KDM4C: variants seen among roughly 807,000 people sequenced by gnomAD.
KDM4C encodes the protein lysine-specific demethylase 4C.
A neutral mutation model predicts 129.3 loss-of-function variants in KDM4C; 81 were observed. The ratio of observed to expected loss-of-function variants is 0.63; its 90% CI spans 0.52 to 0.75. The LOEUF is 0.75. Ranked by LOEUF, KDM4C falls within the 30% of genes least tolerant of loss-of-function variation. The pLI, the probability that KDM4C is intolerant of heterozygous loss-of-function variation, is 0.00. For missense variants in KDM4C, 1,457 were observed against 1,304.0 expected, an observed-to-expected ratio of 1.12 and a Z score of -1.81; for synonymous variants, 573 against 456.1, an observed-to-expected ratio of 1.26 and a Z score of -3.26.
chr9:6,989,443 G>A (rs775597252), intron 11 of KDM4C, among the ~76,000 whole-genome samples: 3 of 152,128 alleles, frequency 2.0e-5, no homozygotes, highest in Non-Finnish European at 4.4e-5. Flanking sequence ...GTGGGTCCTA[G>A]CTGGAAGGTG....
At chr9:6,744,368 T>C (rs1817807431) in intron 1 of KDM4C, among the ~76,000 whole-genome samples, 1 of 151,904 alleles carries the variant, frequency 6.6e-6, no homozygotes, top group African/African-American at 2.4e-5. Flanking sequence ...TACTAAAAAC[T>C]ACAAGAATTA....
chr9:6,729,987 G>A (rs1817264892), intron 1 of KDM4C, among the ~76,000 whole-genome samples: 1 of 133,590 alleles, frequency 7.5e-6, no homozygotes, highest in Non-Finnish European at 1.5e-5. Flanking sequence ...GTGCACGCCT[G>A]TAGTCCGAAC....
chr9:7,156,707 T>C (rs1843208204), intron 19 of KDM4C, among the ~76,000 whole-genome samples: 2 of 152,252 alleles, frequency 1.3e-5, no homozygotes, highest in Admixed American at 1.3e-4. Flanking sequence ...GTTCCATTGG[T>C]CTATATCTCT....
At chr9:6,827,437 G>C (rs1040217390) in intron 4 of KDM4C, among the ~76,000 whole-genome samples, 1 of 152,176 alleles carries the variant, frequency 6.6e-6, no homozygotes, top group African/African-American at 2.4e-5. Flanking sequence ...CTGTTGGTGA[G>C]GCATGGGAAT....
intron 2 of KDM4C, among the ~76,000 whole-genome samples, chr9:6,803,664 C>T (rs1250012620): frequency 2.7e-5 from 4 of 150,888 alleles, no homozygotes; most frequent in African/African-American, 4.9e-5. Flanking sequence ...GTAATTCCAG[C>T]ACTTTGGGAG....
intron 1 of KDM4C, among the ~76,000 whole-genome samples, chr9:6,741,676 C>CTTTTTTTTTT (rs71315557): frequency 3.2e-5 from 3 of 94,074 alleles, no homozygotes; most frequent in Admixed American, 1.1e-4. Flanking sequence ...GGTGGCAGCT[C>CTTTTTTTTTT]TTTTTTTTTT....
intron 8 of KDM4C, among the ~76,000 whole-genome samples, chr9:6,923,550 A>G (rs1188662652): frequency 6.6e-6 from 1 of 152,194 alleles, no homozygotes; most frequent in Non-Finnish European, 1.5e-5. Flanking sequence ...TTTACTTTCC[A>G]TGAATTCCAA....
chr9:7,089,950 A>C, intron 17 of KDM4C, among the ~76,000 whole-genome samples: 1 of 152,260 alleles, frequency 6.6e-6, no homozygotes, highest in Non-Finnish European at 1.5e-5. Context: ...GGCTTAAAGC[A>C]GAATGCAGCT....
At chr9:6,831,170 A>C (rs1160216115) in intron 4 of KDM4C, among the ~76,000 whole-genome samples, 1 of 152,184 alleles carries the variant, frequency 6.6e-6, no homozygotes, top group Non-Finnish European at 1.5e-5. Flanking sequence ...TATCGAAGAA[A>C]TATATCAGTC....
intron 19 of KDM4C, among the ~76,000 whole-genome samples, chr9:7,137,384 T>G (rs1313018922): frequency 1.3e-5 from 2 of 152,234 alleles, no homozygotes; most frequent in Non-Finnish European, 2.9e-5. Context: ...TTCTAATAAC[T>G]AACGTGGCCA....
chr9:6,831,595 G>A (rs904248475), intron 4 of KDM4C, among the ~76,000 whole-genome samples: 5 of 152,062 alleles, frequency 3.3e-5, no homozygotes, highest in East Asian at 1.9e-4. Context: ...CAGCCAACTC[G>A]GCCTCTAAAG....
chr9:7,160,017 C>T (rs898829846), intron 19 of KDM4C, among the ~76,000 whole-genome samples: 5 of 152,184 alleles, frequency 3.3e-5, no homozygotes, highest in African/African-American at 7.2e-5. Context: ...TTTCTTGGGG[C>T]TTTGTTCGTT....
At chr9:6,792,281 T>C (rs10114945) in intron 1 of KDM4C, among the ~76,000 whole-genome samples, 26,399 of 151,896 alleles carry the variant, frequency 0.17, 2,390 homozygotes, top group South Asian at 0.21. Flanking sequence ...AGGTGGAGGT[T>C]GCAGTGAGCC....
intron 5 of KDM4C, among the ~76,000 whole-genome samples, chr9:6,868,077 A>T: frequency 6.6e-6 from 1 of 152,162 alleles, no homozygotes; most frequent in Non-Finnish European, 1.5e-5. Flanking sequence ...CAGAGCTGAT[A>T]TGGATGAAAT....
intron 1 of KDM4C, among the ~76,000 whole-genome samples, chr9:6,776,355 C>A (rs1466308164): frequency 2.0e-5 from 3 of 152,104 alleles, no homozygotes; most frequent in Non-Finnish European, 4.4e-5. Context: ...CCTCTGCCTC[C>A]CGGGTTCAAG....
intron 20 of KDM4C, among the ~76,000 whole-genome samples, chr9:7,168,145 G>A (rs1383891228): frequency 1.3e-5 from 2 of 152,046 alleles, no homozygotes; most frequent in Non-Finnish European, 2.9e-5. Context: ...CCGAGATCGC[G>A]CCGTTGCACT....
chr9:6,855,785 G>A (rs1839699591), intron 5 of KDM4C, among the ~76,000 whole-genome samples: 1 of 152,202 alleles, frequency 6.6e-6, no homozygotes, highest in Non-Finnish European at 1.5e-5. Flanking sequence ...GAATGAGCAA[G>A]TTATATGGTG....
In KDM4C at chr9:7,169,977, C is replaced by T. The variant is rs749659616; in HGVS notation, c.2994+87C>T. The T allele has an allele frequency of 5.0e-6, 8 of 1,594,246 alleles. No individual in the cohort carries two copies. The Admixed American group carries it at 6.9e-5, about 14-fold the overall frequency. ...TTTCCCAAGCCCAGCAGGAAACATA[C>T]TTGGGCTTTTGGATTAATTCTAAAA... On this transcript the variant is annotated intron_variant, in intron 21 of 21. Coordinates refer to ENST00000381309, the MANE Select transcript of KDM4C (RefSeq NM_015061.6).
intron 6 of KDM4C, 35 bp from the exon 7 acceptor site, chr9:6,887,916 TCTTAATCGA>T (rs972861733): frequency 1.8e-6 from 2 of 1,129,022 alleles, no homozygotes; most frequent in Non-Finnish European, 2.7e-6. Flanking sequence ...TGATATTTTC[TCTTAATCGA>T]CACAGTGCCA....
Sources: allele counts gnomAD v4.1 joint callset (sites outside exome capture counted in the v4.1 genomes callset), GRCh38; gene constraint gnomAD v4.1.1; transcripts MANE v1.5; gene names NCBI Gene and HGNC (gene_info 2026-07-23, HGNC 2026-07-21).